ORC2: variants seen among roughly 807,000 people sequenced by gnomAD.
ORC2 encodes the protein origin recognition complex subunit 2.
Under a neutral mutation model 77.7 loss-of-function variants are expected in ORC2, and 37 were observed. The observed-to-expected ratio is 0.48, with a 90% CI of 0.37 to 0.63. The LOEUF (loss-of-function observed/expected upper bound fraction) is 0.63. Ranked by LOEUF, ORC2 falls within the 20% of genes least tolerant of loss-of-function variation. The pLI is 0.00. For synonymous variants in ORC2, 201 were observed against 229.5 expected (o/e 0.88, Z 1.12); for missense variants, 557 against 661.9 (o/e 0.84, Z 1.74).
At chr2:200,917,898 G>A (rs529304133) in intron 15 of ORC2, among the ~76,000 whole-genome samples, 1 of 150,652 alleles carries the variant, frequency 6.6e-6, no homozygotes, top group African/African-American at 2.4e-5. Context: ...TTGCTAGGGG[G>A]GGTTAAAAAA....
chr2:200,963,538 C>T lies in ORC2; in HGVS notation c.-108G>A. The T allele has an allele frequency of 2.5e-6, 1 of 398,626 alleles. No individual in the cohort carries two copies. 24.7% of individuals were successfully genotyped at this position (398,626 alleles called of 1,614,324 possible). On this transcript the variant is annotated 5_prime_UTR_variant, in exon 1 of 18. Coordinates refer to ENST00000234296, the MANE Select transcript of ORC2 (RefSeq NM_006190.5). ...ATCCGGCTGCGTCACGCCGGCCGAA[C>T]GACACCCCGCTGAGTCGCCGCCGCA...
intron 4 of ORC2, among the ~76,000 whole-genome samples, chr2:200,950,866 C>G (rs898631692): frequency 1.3e-5 from 2 of 152,152 alleles, no homozygotes; most frequent in African/African-American, 4.8e-5. Flanking sequence ...TAATCTTTGT[C>G]AAACAATGGG....
intron 5 of ORC2, among the ~76,000 whole-genome samples, chr2:200,944,570 T>A (rs941970023): frequency 1.3e-5 from 2 of 151,884 alleles, no homozygotes; most frequent in African/African-American, 4.8e-5. Context: ...CAATGCCTAG[T>A]ACAAGTACCT....
intron 5 of ORC2, among the ~76,000 whole-genome samples, chr2:200,948,609 C>G (rs1331774488): frequency 2.6e-5 from 4 of 152,078 alleles, no homozygotes; most frequent in African/African-American, 7.2e-5. Context: ...GTCACCCAGG[C>G]TGGAGTGCAA....
At chr2:200,919,766 T>C (rs137855071) in intron 15 of ORC2, among the ~76,000 whole-genome samples, 1 of 152,366 alleles carries the variant, frequency 6.6e-6, no homozygotes. Flanking sequence ...GGAGACATTA[T>C]ACAGTGATGT....
At chr2:200,926,990 T>TA (rs904474015) in intron 11 of ORC2, 90 bp from the exon 12 acceptor site, 33 of 1,371,104 alleles carry the variant, frequency 2.4e-5, no homozygotes, top group African/African-American at 4.3e-5. Context: ...ATTCAGTTTA[T>TA]AAAAAATACA....
At position 200,963,478 on chromosome 2, in the gene ORC2, C is replaced by T. The variant is rs1017991399; in HGVS notation, c.-60+12G>A. On this transcript the variant is annotated intron_variant, in intron 1 of 17. Transcript: ENST00000234296. Reference sequence around the variant, plus strand: ...AAAGGGAGGCAGGCTGCCCCGACACCCCACTACTCACCGCTAGGTTTCCGT... The same window carrying T: ...AAAGGGAGGCAGGCTGCCCCGACACTCCACTACTCACCGCTAGGTTTCCGT... 2.5e-6 allele frequency: 1 copy of T among 398,578 alleles called. No homozygotes were observed. The highest frequency in any genetic ancestry group is 4.4e-5 in the Admixed American group (1 of 22,718). The allele number at this position is 398,578 out of a possible 1,614,324, so 24.7% of individuals were successfully genotyped here.
intron 5 of ORC2, among the ~76,000 whole-genome samples, chr2:200,948,368 GAC>G (rs1156883908): frequency 6.6e-6 from 1 of 152,052 alleles, no homozygotes; most frequent in Non-Finnish European, 1.5e-5. Flanking sequence ...AAAAATAATT[GAC>G]AGTTTAATTT....
chr2:200,954,278 C>T (rs1166434676), intron 4 of ORC2, among the ~76,000 whole-genome samples: 1 of 152,172 alleles, frequency 6.6e-6, no homozygotes. Context: ...AGGCGATCCA[C>T]CCGCCTTGGC....
intron 11 of ORC2, 36 bp from the exon 12 acceptor site, chr2:200,926,936 C>T: frequency 6.3e-7 from 1 of 1,593,010 alleles, no homozygotes; most frequent in Non-Finnish European, 8.6e-7. Flanking sequence ...AATTAAACTT[C>T]AATACCTCTT....
At position 200,955,656 on chromosome 2, in the gene ORC2, G is replaced by C. The variant is rs538123385; in HGVS notation, c.238+1745C>G. Among the ~76,000 whole-genome samples, 6 of 152,300 alleles carry C rather than the reference G, an allele frequency of 3.9e-5. No individual in the cohort carries two copies. The East Asian group carries it at 7.7e-4, about 20-fold the overall frequency. On this transcript the variant is annotated intron_variant, in intron 4 of 17. Transcript: ENST00000234296. ...GTACATGAAGAAAATATGTGGCATA[G>C]AGAAATCAGAACAGATGCACAGAGA...
At chr2:200,925,790 A>G (rs1322104722) in intron 13 of ORC2, 46 bp downstream of exon 13, 4 of 806,820 alleles carry the variant, frequency 5.0e-6, no homozygotes, top group Non-Finnish European at 8.5e-6. Flanking sequence ...GTAGAAGTAT[A>G]TGCTTAACTT....
intron 7 of ORC2, 69 bp downstream of exon 7, chr2:200,941,179 T>C: frequency 7.8e-7 from 1 of 1,280,014 alleles, no homozygotes; most frequent in Admixed American, 1.9e-5. Flanking sequence ...TTTCATTGAA[T>C]TTCTGGCAAT....
intron 11 of ORC2, 47 bp from the exon 12 acceptor site, chr2:200,926,947 A>G: frequency 1.3e-6 from 2 of 1,566,258 alleles, no homozygotes; most frequent in Non-Finnish European, 1.7e-6. Flanking sequence ...AATACCTCTT[A>G]TTGCCAATTT....
At position 200,914,004 on chromosome 2, in the gene ORC2, A is replaced by C. The variant is rs1161797327; in HGVS notation, c.1467-12T>G. 7 of 1,529,358 alleles carry C rather than the reference A, an allele frequency of 4.6e-6. No individual in the cohort carries two copies. The East Asian group carries it at 1.1e-4, about 25-fold the overall frequency. The allele number at this position is 1,529,358 out of a possible 1,614,324, so 94.7% of individuals were successfully genotyped here. ...GCCTGAAAATTCCCCTAAAAAAAAA[A>C]AAAAACAGGAATTTAAATCCAAAAA... On this transcript the variant is annotated splice_polypyrimidine_tract_variant and intron_variant, in intron 15 of 17. Coordinates refer to ENST00000234296, the MANE Select transcript of ORC2 (RefSeq NM_006190.5).
At chr2:200,936,660 TACTA>T (rs924757576) in intron 8 of ORC2, among the ~76,000 whole-genome samples, 7 of 152,212 alleles carry the variant, frequency 4.6e-5, no homozygotes, top group Admixed American at 1.3e-4. Context: ...GAAAACGTCA[TACTA>T]ACTAATATAG....
chr2:200,930,826 T>A (rs1259443943), intron 11 of ORC2, among the ~76,000 whole-genome samples: 1 of 152,128 alleles, frequency 6.6e-6, no homozygotes, highest in Admixed American at 6.5e-5. Context: ...TAATCTGAGG[T>A]GTGTGAAAAT....
intron 15 of ORC2, among the ~76,000 whole-genome samples, chr2:200,917,604 G>A (rs2040678835): frequency 6.6e-6 from 1 of 152,208 alleles, no homozygotes; most frequent in Non-Finnish European, 1.5e-5. Context: ...AAGGCTACAA[G>A]TGACAAAACT....
intron 15 of ORC2, among the ~76,000 whole-genome samples, chr2:200,917,080 T>C (rs565917703): frequency 6.6e-6 from 1 of 151,082 alleles, no homozygotes; most frequent in East Asian, 1.9e-4. Flanking sequence ...ATGCAACCTT[T>C]ACCTCCTGGG....
Sources: allele counts gnomAD v4.1 joint callset (sites outside exome capture counted in the v4.1 genomes callset), GRCh38; gene constraint gnomAD v4.1.1; transcripts MANE v1.5; gene names NCBI Gene and HGNC (gene_info 2026-07-23, HGNC 2026-07-21).